CNTN6: variants seen among roughly 807,000 people sequenced by gnomAD.
The protein encoded by CNTN6 is contactin 6.
CNTN6 carries 137 observed loss-of-function variants against 122.8 expected under a neutral mutation model. That is an observed-to-expected ratio of 1.12 (90% CI 0.97 to 1.29). The LOEUF (loss-of-function observed/expected upper bound fraction) is 1.29. CNTN6 is among the 50% of genes most tolerant of loss of function. CNTN6 has a pLI of 0.00. For missense variants in CNTN6, 1,634 were observed against 1,223.4 expected (o/e 1.34, Z -5.01); for synonymous variants, 570 against 426.0 (o/e 1.34, Z -4.16).
Position 1,161,033 on chromosome 3 carries a change from T to C in CNTN6, c.55+12970T>C, listed in dbSNP as rs943550510. Among the ~76,000 whole-genome samples the C allele has an allele frequency of 2.0e-4, 30 of 151,814 alleles. No individual in the cohort carries two copies. The East Asian group carries it at 2.3e-3, about 12-fold the overall frequency. ...ATCTATTGTATTTGTATGGTGGAAATATCATATCATGGAAACTACTGTGCA... is the reference window on the plus strand; with the variant it reads ...ATCTATTGTATTTGTATGGTGGAAACATCATATCATGGAAACTACTGTGCA... On this transcript the variant is annotated intron_variant, in intron 2 of 22. Coordinates refer to ENST00000446702, the MANE Select transcript of CNTN6 (RefSeq NM_001289080.2).
At chr3:1,283,172 C>T (rs1353999843) in intron 5 of CNTN6, among the ~76,000 whole-genome samples, 2 of 152,160 alleles carry the variant, frequency 1.3e-5, no homozygotes, top group African/African-American at 2.4e-5. Flanking sequence ...CAGGGTGGGT[C>T]TCCAACTCCT....
intron 2 of CNTN6, among the ~76,000 whole-genome samples, chr3:1,182,629 G>C (rs2093572141): frequency 1.3e-5 from 2 of 151,166 alleles, no homozygotes; most frequent in Non-Finnish European, 2.9e-5. Context: ...TTTAGCTTCA[G>C]AAATGTAACT....
intron 2 of CNTN6, among the ~76,000 whole-genome samples, chr3:1,178,394 G>A (rs923429684): frequency 2.6e-5 from 4 of 152,074 alleles, no homozygotes; most frequent in African/African-American, 9.7e-5. Flanking sequence ...CTTCATCACT[G>A]CTACTATGTT....
chr3:1,129,946 G>A (rs2092291981), intron 1 of CNTN6, among the ~76,000 whole-genome samples: 1 of 151,930 alleles, frequency 6.6e-6, no homozygotes, highest in African/African-American at 2.4e-5. Flanking sequence ...CTTTTGAATA[G>A]ATACATACAT....
chr3:1,346,335 G>A (rs993625666), intron 11 of CNTN6, among the ~76,000 whole-genome samples: 1 of 152,100 alleles, frequency 6.6e-6, no homozygotes, highest in African/African-American at 2.4e-5. Context: ...CCATGTGGCA[G>A]TTTTGGGAGG....
chr3:1,168,908 T>C (rs2093310434), intron 2 of CNTN6, among the ~76,000 whole-genome samples: 1 of 152,090 alleles, frequency 6.6e-6, no homozygotes, highest in Non-Finnish European at 1.5e-5. Context: ...TTGAAAACTG[T>C]TTTAACGGAA....
At chr3:1,243,192 C>T (rs2094511418) in intron 4 of CNTN6, among the ~76,000 whole-genome samples, 1 of 152,132 alleles carries the variant, frequency 6.6e-6, no homozygotes, top group African/African-American at 2.4e-5. Context: ...TGGGTTCCTG[C>T]ACAGATGGGA....
chr3:1,278,101 T>C (rs1031281370), intron 4 of CNTN6, among the ~76,000 whole-genome samples: 11 of 152,202 alleles, frequency 7.2e-5, no homozygotes, highest in African/African-American at 2.4e-4. Context: ...ACACCTTCCT[T>C]GGACAGACAA....
At position 1,386,852 on chromosome 3, in the gene CNTN6, T is replaced by C. The variant is rs139815298; in HGVS notation, c.2704+1055T>C. ...CACCACCATATTTGGAAAGAAGAGATGGTTAAGAAGAGTTTGAAAATAAAG... is the reference window on the plus strand; with the variant it reads ...CACCACCATATTTGGAAAGAAGAGACGGTTAAGAAGAGTTTGAAAATAAAG... On this transcript the variant is annotated intron_variant, in intron 20 of 22. Coordinates refer to ENST00000446702, the MANE Select transcript of CNTN6 (RefSeq NM_001289080.2). Among the ~76,000 whole-genome samples, 795 of 152,198 alleles carry C rather than the reference T, an allele frequency of 5.2e-3. 6 individuals are homozygous for C. The highest frequency in any genetic ancestry group is 0.018 in the African/African-American group (759 of 41,482).
intron 20 of CNTN6, among the ~76,000 whole-genome samples, chr3:1,398,316 A>G (rs1195278966): frequency 1.3e-5 from 2 of 152,182 alleles, no homozygotes; most frequent in Non-Finnish European, 2.9e-5. Context: ...AATATCAGAC[A>G]TAAAGGATTG....
chr3:1,123,143 G>T (rs114250624), intron 1 of CNTN6, among the ~76,000 whole-genome samples: 1,671 of 151,876 alleles, frequency 0.011, 28 homozygotes, highest in Middle Eastern at 0.051. Context: ...CAATTACATA[G>T]AAATTTGAAA....
At chr3:1,326,237 G>A (rs1055809316) in intron 9 of CNTN6, among the ~76,000 whole-genome samples, 2 of 151,716 alleles carry the variant, frequency 1.3e-5, no homozygotes, top group South Asian at 2.1e-4. Context: ...CGTCATCATC[G>A]ACACGGATAA....
At chr3:1,268,612 A>C (rs2094968607) in intron 4 of CNTN6, among the ~76,000 whole-genome samples, 1 of 151,310 alleles carries the variant, frequency 6.6e-6, no homozygotes, top group Non-Finnish European at 1.5e-5. Flanking sequence ...GTCTCAAAAA[A>C]AAAAAAAAAA....
intron 2 of CNTN6, among the ~76,000 whole-genome samples, chr3:1,210,907 T>C (rs368020929): frequency 1.1e-4 from 16 of 152,342 alleles, no homozygotes; most frequent in South Asian, 4.1e-4. Context: ...TAATGGCACT[T>C]TCCTTTTGGG....
At chr3:1,154,402 GA>G (rs2092914087) in intron 2 of CNTN6, among the ~76,000 whole-genome samples, 1 of 151,470 alleles carries the variant, frequency 6.6e-6, no homozygotes, top group Non-Finnish European at 1.5e-5. Flanking sequence ...GCTATGACTT[GA>G]AAATAGCATG....
Position 1,402,446 on chromosome 3 carries a change from T to C in CNTN6, c.2946T>C (p.Asp982=). The C allele has an allele frequency of 6.2e-7, 1 of 1,611,966 alleles. No individual in the cohort carries two copies. Among genetic ancestry groups the C allele is most frequent in the Non-Finnish European group, 8.5e-7 (1 of 1,178,604 alleles). The change falls in exon 22 of 23, where the codon GAT becomes GAC. Residue 982 remains aspartate (D), a synonymous_variant. Coordinates refer to ENST00000446702, the MANE Select transcript of CNTN6 (RefSeq NM_001289080.2). The part of the protein sequence containing the change: ...IEIRTVSDGG[D]GSSSEEIRIP... ...TAAGAACAGTCAGTGATGGTGGAGA[T>C]GGAAGCAGCAGTGAGGAAATTAGGA... is the stretch of plus-strand genomic sequence containing the variant.
At chr3:1,386,020 A>T (rs1259199969) in intron 20 of CNTN6, among the ~76,000 whole-genome samples, 2 of 152,220 alleles carry the variant, frequency 1.3e-5, no homozygotes, top group Non-Finnish European at 2.9e-5. Flanking sequence ...TTCCAAGTAT[A>T]TCGATGAAAG....
At chr3:1,306,792 G>A (rs912235613) in intron 7 of CNTN6, among the ~76,000 whole-genome samples, 11 of 152,126 alleles carry the variant, frequency 7.2e-5, no homozygotes, top group Admixed American at 6.6e-5. Context: ...TTTGACTGAG[G>A]AGGTAAAAAG....
chr3:1,308,841 G>T (rs1375365777), intron 7 of CNTN6, among the ~76,000 whole-genome samples: 1 of 152,076 alleles, frequency 6.6e-6, no homozygotes, highest in Non-Finnish European at 1.5e-5. Context: ...CAGGTGTATA[G>T]TGGTATTTCC....
Sources: allele counts gnomAD v4.1 joint callset (sites outside exome capture counted in the v4.1 genomes callset), GRCh38; gene constraint gnomAD v4.1.1; transcripts MANE v1.5; gene names NCBI Gene and HGNC (gene_info 2026-07-23, HGNC 2026-07-21).